The following CSMD1 variants were observed in gnomAD, a reference collection of about 807,000 sequenced individuals.
CSMD1 encodes the protein CUB and sushi domain-containing protein 1.
In CSMD1, 213 loss-of-function variants were observed where a neutral mutation model predicts 417.5. The observed-to-expected ratio is 0.51, with a 90% CI of 0.46 to 0.57. CSMD1 has a LOEUF of 0.57. Ranked by LOEUF, CSMD1 falls within the 20% of genes least tolerant of loss-of-function variation. CSMD1 has a pLI of 0.00. For missense variants in CSMD1, 6,923 were observed against 4,529.7 expected, an observed-to-expected ratio of 1.53 and a Z score of -15.17; for synonymous variants, 2,862 against 1,736.8, an observed-to-expected ratio of 1.65 and a Z score of -16.11.
chr8:3,730,431 A>C (rs571825581), intron 6 of CSMD1, among the ~76,000 whole-genome samples: 2 of 139,252 alleles, frequency 1.4e-5, no homozygotes, highest in South Asian at 4.6e-4. Context: ...GCAAACCTCT[A>C]GGTTAGCAGA....
At chr8:3,883,229 T>C (rs992071430) in intron 5 of CSMD1, among the ~76,000 whole-genome samples, 2 of 152,200 alleles carry the variant, frequency 1.3e-5, no homozygotes, top group Non-Finnish European at 2.9e-5. Context: ...GAATGATTCA[T>C]TTGACCTGTA....
chr8:3,738,407 T>G (rs758567790), intron 6 of CSMD1, among the ~76,000 whole-genome samples: 3 of 152,206 alleles, frequency 2.0e-5, no homozygotes, highest in Non-Finnish European at 4.4e-5. Flanking sequence ...ATATGCATGG[T>G]GGTTGTCACA....
chr8:4,391,247 A>C (rs951652061), intron 3 of CSMD1, among the ~76,000 whole-genome samples: 5 of 152,036 alleles, frequency 3.3e-5, no homozygotes, highest in African/African-American at 1.2e-4. Context: ...CAGCCACCAT[A>C]ACTCCCCCAC....
chr8:3,893,234 T>A (rs1807105250), intron 5 of CSMD1, among the ~76,000 whole-genome samples: 1 of 150,620 alleles, frequency 6.6e-6, no homozygotes, highest in Admixed American at 6.6e-5. Flanking sequence ...AAACACATTT[T>A]TTCTTCTTCT....
rs566921843 is a variant in CSMD1, at chr8:3,902,478, C to A, written c.818+95425G>T. 4.6e-5 allele frequency among the ~76,000 whole-genome samples: 7 copies of A among 152,170 alleles called. No individual in the cohort carries two copies. In the East Asian group the frequency reaches 1.4e-3, roughly 29 times the overall value. ...TTTTTTTTTCCATGGACTCAAGTGG[C>A]AGGGGATAGTTTGGGATGAAACTTC... On this transcript the variant is annotated intron_variant, in intron 5 of 69. Transcript: ENST00000635120.
intron 3 of CSMD1, among the ~76,000 whole-genome samples, chr8:4,277,831 T>A (rs1796571138): frequency 6.6e-6 from 1 of 152,154 alleles, no homozygotes; most frequent in Non-Finnish European, 1.5e-5. Flanking sequence ...CACTGCAAGG[T>A]CTGCCTCCCT....
At chr8:4,717,414 CACACTATATATATACACAT>C (rs917312367) in intron 1 of CSMD1, among the ~76,000 whole-genome samples, 13 of 150,304 alleles carry the variant, frequency 8.6e-5, no homozygotes, top group African/African-American at 3.2e-4. Context: ...TATATACACA[CACACTATATATATACACAT>C]ACACTATATA....
intron 12 of CSMD1, among the ~76,000 whole-genome samples, chr8:3,428,822 G>C (rs1201291506): frequency 6.6e-6 from 1 of 152,164 alleles, no homozygotes; most frequent in Non-Finnish European, 1.5e-5. Context: ...ATCAATGGAT[G>C]AATAATGGTA....
intron 5 of CSMD1, among the ~76,000 whole-genome samples, chr8:3,969,816 G>C (rs928487222): frequency 6.6e-6 from 1 of 152,082 alleles, no homozygotes; most frequent in African/African-American, 2.4e-5. Flanking sequence ...GAGAAAGACG[G>C]GGAGATTTTT....
At chr8:4,908,724 A>AAGTT (rs1805467248) in intron 1 of CSMD1, among the ~76,000 whole-genome samples, 1 of 39,068 alleles carries the variant, frequency 2.6e-5, no homozygotes, top group Non-Finnish European at 4.7e-5. Context: ...TTCTGTCACC[A>AAGTT]TGTTATTTTC....
At chr8:4,165,481 G>A (rs918849681) in intron 3 of CSMD1, among the ~76,000 whole-genome samples, 2 of 152,218 alleles carry the variant, frequency 1.3e-5, no homozygotes, top group African/African-American at 2.4e-5. Flanking sequence ...ATTGCTCACT[G>A]TAGCCTCAAG....
intron 3 of CSMD1, among the ~76,000 whole-genome samples, chr8:4,152,819 G>T (rs118005393): frequency 0.041 from 6,250 of 152,248 alleles, 191 homozygotes; most frequent in Non-Finnish European, 0.063. Flanking sequence ...CACGTATAGT[G>T]AGAGAGTAGG....
intron 26 of CSMD1, among the ~76,000 whole-genome samples, chr8:3,276,548 C>T (rs1802306686): frequency 6.6e-6 from 1 of 152,168 alleles, no homozygotes; most frequent in South Asian, 2.1e-4. Flanking sequence ...GAAAGACCTG[C>T]TCCCATGATT....
intron 5 of CSMD1, among the ~76,000 whole-genome samples, chr8:3,861,530 G>T (rs543756645): frequency 6.6e-6 from 1 of 152,270 alleles, no homozygotes; most frequent in South Asian, 2.1e-4. Flanking sequence ...CCTCTTGGGA[G>T]AATTCTGGGA....
chr8:4,185,763 T>C (rs927448488), intron 3 of CSMD1, among the ~76,000 whole-genome samples: 1 of 152,166 alleles, frequency 6.6e-6, no homozygotes, highest in Admixed American at 6.5e-5. Context: ...TGAGATAAAA[T>C]ATCCCCTACC....
intron 10 of CSMD1, among the ~76,000 whole-genome samples, chr8:3,503,569 C>T (rs1325590187): frequency 1.3e-5 from 2 of 152,158 alleles, no homozygotes; most frequent in Non-Finnish European, 2.9e-5. Flanking sequence ...TACTGACATC[C>T]CCGCCCTCAG....
At chr8:4,620,788 T>C (rs1040866607) in intron 2 of CSMD1, among the ~76,000 whole-genome samples, 4 of 151,532 alleles carry the variant, frequency 2.6e-5, no homozygotes, top group East Asian at 1.9e-4. Flanking sequence ...TACTTATTTA[T>C]AAAAAAGAGA....
chr8:4,589,308 C>A (rs1030264577), intron 2 of CSMD1, among the ~76,000 whole-genome samples: 1 of 152,062 alleles, frequency 6.6e-6, no homozygotes, highest in Admixed American at 6.6e-5. Flanking sequence ...AAGAATGATG[C>A]CTCAGTGATC....
intron 3 of CSMD1, among the ~76,000 whole-genome samples, chr8:4,159,518 A>T (rs1351346336): frequency 6.6e-6 from 1 of 152,192 alleles, no homozygotes; most frequent in African/African-American, 2.4e-5. Context: ...TATATATATG[A>T]TGGAATACCA....
Sources: allele counts gnomAD v4.1 joint callset (sites outside exome capture counted in the v4.1 genomes callset), GRCh38; gene constraint gnomAD v4.1.1; transcripts MANE v1.5; gene names NCBI Gene and HGNC (gene_info 2026-07-23, HGNC 2026-07-21).